Variants in PRDM16 observed in about 807,000 individuals in gnomAD.
PRDM16 encodes PR/SET domain 16, also known as histone-lysine N-methyltransferase PRDM16.
A neutral mutation model predicts 110.6 loss-of-function variants in PRDM16; 23 were observed. The observed-to-expected ratio is 0.21, with a 90% CI of 0.15 to 0.29. The LOEUF is 0.29. Among genes scored for constraint, PRDM16 ranks in the 10% least tolerant of loss-of-function variants. The pLI, the probability that PRDM16 is intolerant of heterozygous loss-of-function variation, is 1.00. For synonymous variants in PRDM16, 799 were observed against 781.8 expected (o/e 1.02, Z -0.37); for missense variants, 1,615 against 1,794.3 (o/e 0.90, Z 1.81).
At chr1:3,127,061 G>A (rs571913388) in intron 1 of PRDM16, among the ~76,000 whole-genome samples, 2 of 152,352 alleles carry the variant, frequency 1.3e-5, no homozygotes, top group South Asian at 4.1e-4. Context: ...GAGGCCTGCA[G>A]TGGGGACGAG....
intron 3 of PRDM16, among the ~76,000 whole-genome samples, chr1:3,267,331 G>T (rs1022211530): frequency 1.3e-5 from 2 of 152,198 alleles, no homozygotes; most frequent in African/African-American, 2.4e-5. Context: ...CCATGTTGTA[G>T]CTCGTGTCGG....
chr1:3,241,056 G>A (rs943398097), intron 2 of PRDM16, among the ~76,000 whole-genome samples: 3 of 152,232 alleles, frequency 2.0e-5, no homozygotes, highest in African/African-American at 7.2e-5. Context: ...CAGCGGAGCG[G>A]CGGCTCAGGC....
At chr1:3,321,326 G>C (rs891596216) in intron 3 of PRDM16, among the ~76,000 whole-genome samples, 1 of 151,312 alleles carries the variant, frequency 6.6e-6, no homozygotes, top group Non-Finnish European at 1.5e-5. Context: ...GTGTGGGTCC[G>C]TGTGTGTGTG....
intron 1 of PRDM16, among the ~76,000 whole-genome samples, chr1:3,112,471 C>T (rs79817280): frequency 0.013 from 2,015 of 152,314 alleles, 39 homozygotes; most frequent in African/African-American, 0.046. Context: ...GCCTGGGGTG[C>T]GGGAGGCAGT....
intron 1 of PRDM16, among the ~76,000 whole-genome samples, chr1:3,111,187 G>A (rs1299616183): frequency 6.6e-6 from 1 of 152,178 alleles, no homozygotes; most frequent in Non-Finnish European, 1.5e-5. Flanking sequence ...GGCCACTGCT[G>A]GGCCCCTGTG....
intron 1 of PRDM16, among the ~76,000 whole-genome samples, chr1:3,078,657 T>A (rs1326132257): frequency 6.6e-6 from 1 of 152,208 alleles, no homozygotes; most frequent in Non-Finnish European, 1.5e-5. Flanking sequence ...ATGAAATTCG[T>A]TTCTCTAGTA....
chr1:3,292,955 C>T (rs1439534592), intron 3 of PRDM16, among the ~76,000 whole-genome samples: 4 of 152,226 alleles, frequency 2.6e-5, no homozygotes, highest in South Asian at 2.1e-4. Context: ...TTGACCCTCA[C>T]GGAGGCACTC....
chr1:3,364,812 C>G (rs1254645133), intron 3 of PRDM16, among the ~76,000 whole-genome samples: 1 of 152,240 alleles, frequency 6.6e-6, no homozygotes, highest in African/African-American at 2.4e-5. Context: ...GCCAGGTGCC[C>G]CGAGCAGGAC....
At chr1:3,369,352 C>T (rs1194316896) in intron 3 of PRDM16, among the ~76,000 whole-genome samples, 4 of 152,198 alleles carry the variant, frequency 2.6e-5, no homozygotes, top group African/African-American at 9.7e-5. Flanking sequence ...GCAGAGTTCA[C>T]GTCCAAGGGT....
rs1374253487 is a variant in PRDM16 at position 3,412,577 on chromosome 1, G to A, written c.2380G>A (p.Ala794Thr). The A allele has an allele frequency of 6.2e-7, 1 of 1,607,386 alleles. No individual in the cohort carries two copies. The highest frequency in any genetic ancestry group is 8.5e-7 in the Non-Finnish European group (1 of 1,177,534). ...CCTGCCCATGCCCAAGGGCCCCTCG[G>A]CCCCCGCATCCGGCGAGGAGCAGCC... ...PILPMPKGPSAPASGEEQPLD... is the reference protein window; with the variant it reads ...PILPMPKGPSTPASGEEQPLD... The change falls in exon 9 of 17, where the codon GCC becomes ACC. Residue 794 changes from alanine (A) to threonine (T), a missense_variant. Ala to Thr is a moderately conservative substitution (Grantham distance 58, BLOSUM62 0). Around this residue, in one of 5 missense-constraint regions of PRDM16, gnomAD observed 772 missense variants for 748.3 expected, o/e 1.03. Transcript: ENST00000270722.
At chr1:3,367,365 G>A (rs1642834172) in intron 3 of PRDM16, among the ~76,000 whole-genome samples, 1 of 152,220 alleles carries the variant, frequency 6.6e-6, no homozygotes, top group African/African-American at 2.4e-5. Flanking sequence ...CATTTGGACA[G>A]GAAGCGTGTG....
chr1:3,252,599 C>T (rs147552685), intron 3 of PRDM16, among the ~76,000 whole-genome samples: 1,805 of 152,282 alleles, frequency 0.012, 15 homozygotes, highest in South Asian at 0.027. Context: ...AGAGAAAGCG[C>T]CTGCCCTGGG....
rs1638901093 is a variant in PRDM16, at chr1:3,436,035, T to C, written c.*2224T>C. On this transcript the variant is annotated 3_prime_UTR_variant, in exon 17 of 17. Coordinates refer to ENST00000270722, the MANE Select transcript of PRDM16 (RefSeq NM_022114.4). ...ACAACTGCTCAGGCCTTCTCACGCG[T>C]TTCCACAACATCCCCTGGGTCAGAC... is the stretch of plus-strand genomic sequence containing the variant. The C allele has an allele frequency of 4.3e-6, 1 of 230,586 alleles. No individual in the cohort carries two copies. The highest frequency in any genetic ancestry group is 1.8e-4 in the South Asian group (1 of 5,492). The allele number at this position is 230,586 out of a possible 1,614,324, so 14.3% of individuals were successfully genotyped here. A position where few individuals can be genotyped will look rare whatever the true frequency, so the allele number is the denominator to read the frequency against.
chr1:3,114,440 GACGCAC>G lies in PRDM16; in HGVS notation c.37+45153_37+45158del, dbSNP rs1471619016. Reference sequence around the variant, plus strand: ...CACATGCACACACCAGGTGTAAACAGACGCACACGCACACACACGCACACACGCAGT... The same window carrying G: ...CACATGCACACACCAGGTGTAAACAGACGCACACACACGCACACACGCAGT... On this transcript the variant is annotated intron_variant, in intron 1 of 16. Coordinates refer to ENST00000270722, the MANE Select transcript of PRDM16 (RefSeq NM_022114.4). Among the ~76,000 whole-genome samples the G allele has an allele frequency of 7.6e-5, 7 of 91,980 alleles. No individual in the cohort carries two copies. The East Asian group carries it at 1.6e-3, about 21-fold the overall frequency. 60.3% of individuals were successfully genotyped at this position (91,980 alleles called of 152,430 possible). A position where few individuals can be genotyped will look rare whatever the true frequency, so the allele number is the denominator to read the frequency against.
chr1:3,416,642 G>T (rs1638272578), intron 10 of PRDM16, among the ~76,000 whole-genome samples: 1 of 152,124 alleles, frequency 6.6e-6, no homozygotes, highest in South Asian at 2.1e-4. Flanking sequence ...CCTCACCCTT[G>T]CCCTCCCTCC....
At chr1:3,320,084 C>T (rs928069684) in intron 3 of PRDM16, among the ~76,000 whole-genome samples, 3 of 152,190 alleles carry the variant, frequency 2.0e-5, no homozygotes, top group Admixed American at 6.5e-5. Context: ...AGACTTACTT[C>T]CTTGTTCCTG....
intron 1 of PRDM16, among the ~76,000 whole-genome samples, chr1:3,115,085 C>T (rs1234131436): frequency 1.3e-5 from 2 of 152,262 alleles, no homozygotes; most frequent in Non-Finnish European, 2.9e-5. Context: ...AGCCTCTGAG[C>T]CTGAGTGCTG....
At chr1:3,214,630 G>A (rs978296304) in intron 2 of PRDM16, among the ~76,000 whole-genome samples, 2 of 152,190 alleles carry the variant, frequency 1.3e-5, no homozygotes, top group African/African-American at 2.4e-5. Flanking sequence ...TCAGGAGGCA[G>A]AGGTTGCAGT....
At chr1:3,403,924 TGA>T (rs1231777892) in intron 6 of PRDM16, among the ~76,000 whole-genome samples, 1 of 152,152 alleles carries the variant, frequency 6.6e-6, no homozygotes. Flanking sequence ...AACAGATGAC[TGA>T]GAAAATAAAC....
Sources: allele counts gnomAD v4.1 joint callset (sites outside exome capture counted in the v4.1 genomes callset), GRCh38; gene constraint gnomAD v4.1.1; regional missense constraint gnomAD v4.1.1; transcripts MANE v1.5; gene names NCBI Gene and HGNC (gene_info 2026-07-23, HGNC 2026-07-21).